Variants in EFCAB11 observed in about 807,000 individuals in gnomAD.
EFCAB11 encodes the protein EF-hand calcium-binding domain-containing protein 11.
In EFCAB11, 14 loss-of-function variants were observed where a neutral mutation model predicts 23.0. The ratio of observed to expected loss-of-function variants is 0.61; its 90% CI spans 0.40 to 0.95. The LOEUF is 0.95. Ranked by LOEUF, EFCAB11 falls within the 40% of genes least tolerant of loss-of-function variation. The probability of loss-of-function intolerance (pLI) is 0.00; values close to 1 mark genes in which losing one functional copy is unlikely to be tolerated. For synonymous variants in EFCAB11, 65 were observed against 66.6 expected, an observed-to-expected ratio of 0.98 and a Z score of 0.11; for missense variants, 198 against 195.8, an observed-to-expected ratio of 1.01 and a Z score of -0.07.
At position 89,954,637 on chromosome 14, in the gene EFCAB11, G is replaced by A. The variant is rs28400373; in HGVS notation, c.24C>T (p.Ala8=). 11,403 of 1,613,182 alleles carry A rather than the reference G, an allele frequency of 7.1e-3. 637 individuals carry two copies. In the African/African-American group the frequency reaches 0.13, roughly 18 times the overall value. The change falls in exon 1 of 6, where the codon GCC becomes GCT. Residue 8 remains alanine, a synonymous_variant. Coordinates refer to ENST00000316738, the MANE Select transcript of EFCAB11 (RefSeq NM_145231.4). MFFSEAR[A]RSRTWEASPS... is the part of the protein sequence containing the mutation. ...GACTGGCTTCCCACGTCCGCGACCT[G>A]GCTCTGGCCTCGGAGAAGAACATCG...
intron 2 of EFCAB11, among the ~76,000 whole-genome samples, chr14:89,950,509 ATT>A (rs926412888): frequency 6.6e-6 from 1 of 152,136 alleles, no homozygotes; most frequent in African/African-American, 2.4e-5. Context: ...TATTTTTAAG[ATT>A]TTTTTCCTAA....
chr14:89,947,303 AG>A (rs1891018104), intron 3 of EFCAB11, among the ~76,000 whole-genome samples: 1 of 152,114 alleles, frequency 6.6e-6, no homozygotes, highest in African/African-American at 2.4e-5. Flanking sequence ...CTTACACAAT[AG>A]GTCTCCTTCC....
chr14:89,913,713 T>G (rs1337616585), intron 5 of EFCAB11, among the ~76,000 whole-genome samples: 1 of 152,240 alleles, frequency 6.6e-6, no homozygotes, highest in African/African-American at 2.4e-5. Flanking sequence ...TTCTTCTGAT[T>G]TGCTCATTCT....
At chr14:89,953,707 G>A (rs941967561) in intron 2 of EFCAB11, among the ~76,000 whole-genome samples, 199 bp downstream of exon 2, 52 of 152,200 alleles carry the variant, frequency 3.4e-4, no homozygotes, top group African/African-American at 1.2e-3. Flanking sequence ...ATAGGCTTGT[G>A]TAGACTCCAG....
At position 89,796,143 on chromosome 14, in the gene EFCAB11, C is replaced by A. The variant is rs990961814; in HGVS notation, c.*1100G>T. The A allele has an allele frequency of 2.6e-5, 4 of 152,354 alleles. No individual in the cohort carries two copies. The highest frequency in any genetic ancestry group is 5.9e-5 in the Non-Finnish European group (4 of 68,142). 9.4% of individuals were successfully genotyped at this position (152,354 alleles called of 1,614,324 possible). On this transcript the variant is annotated 3_prime_UTR_variant, in exon 6 of 6. Coordinates refer to ENST00000316738, the MANE Select transcript of EFCAB11 (RefSeq NM_145231.4). Reference sequence around the variant, plus strand: ...CAAACATGTCTCTTGCCCCCAGTACCCTCATCACCCTGTTCTTCCTCTGTA... The same window carrying A: ...CAAACATGTCTCTTGCCCCCAGTACACTCATCACCCTGTTCTTCCTCTGTA...
chr14:89,868,519 T>C (rs1285470969), intron 5 of EFCAB11, among the ~76,000 whole-genome samples: 2 of 152,142 alleles, frequency 1.3e-5, no homozygotes, highest in Admixed American at 1.3e-4. Flanking sequence ...AGAAAAACTA[T>C]AAAAAGCTCT....
At chr14:89,866,881 C>T (rs1888109346) in intron 5 of EFCAB11, among the ~76,000 whole-genome samples, 1 of 152,338 alleles carries the variant, frequency 6.6e-6, no homozygotes, top group East Asian at 1.9e-4. Context: ...TGGCCCACTC[C>T]AACCTCAGTC....
At chr14:89,811,183 G>A (rs949689486) in intron 5 of EFCAB11, among the ~76,000 whole-genome samples, 7 of 151,978 alleles carry the variant, frequency 4.6e-5, no homozygotes, top group African/African-American at 4.8e-5. Flanking sequence ...GTACATTCAA[G>A]GAACTGAAAG....
At chr14:89,866,071 C>A (rs1055185138) in intron 5 of EFCAB11, among the ~76,000 whole-genome samples, 2 of 152,138 alleles carry the variant, frequency 1.3e-5, no homozygotes, top group Non-Finnish European at 2.9e-5. Flanking sequence ...AGGCATGAGT[C>A]ACCGTGCCTG....
chr14:89,928,920 T>C (rs1890286696), intron 5 of EFCAB11, among the ~76,000 whole-genome samples: 2 of 147,578 alleles, frequency 1.4e-5, no homozygotes, highest in Admixed American at 6.8e-5. Context: ...CCAATCATAA[T>C]TATATATTAC....
intron 5 of EFCAB11, among the ~76,000 whole-genome samples, chr14:89,887,847 TAAC>T (rs1382601738): frequency 6.6e-6 from 1 of 152,244 alleles, no homozygotes. Context: ...CAGCACGTGT[TAAC>T]ACTCGCATTT....
intron 5 of EFCAB11, among the ~76,000 whole-genome samples, chr14:89,890,260 T>A (rs1163972426): frequency 6.6e-6 from 1 of 152,190 alleles, no homozygotes. Flanking sequence ...CCTAATACTA[T>A]GGTTTTAGGT....
At chr14:89,895,882 CT>C (rs1889136110) in intron 5 of EFCAB11, among the ~76,000 whole-genome samples, 1 of 152,118 alleles carries the variant, frequency 6.6e-6, no homozygotes, top group South Asian at 2.1e-4. Flanking sequence ...TATTTGTTAA[CT>C]AGACCGAATA....
chr14:89,840,429 ACATTTGCCTTAT>A (rs2140126571), intron 5 of EFCAB11, among the ~76,000 whole-genome samples: 1 of 152,358 alleles, frequency 6.6e-6, no homozygotes, highest in Non-Finnish European at 1.5e-5. Flanking sequence ...AATCTCCATT[ACATTTGCCTTAT>A]CATTTCCTCT....
At chr14:89,885,263 T>C (rs369526790) in intron 5 of EFCAB11, among the ~76,000 whole-genome samples, 6 of 152,088 alleles carry the variant, frequency 3.9e-5, no homozygotes, top group East Asian at 1.9e-4. Context: ...GCAAGGAAAG[T>C]TAAATAAGAC....
At chr14:89,889,426 G>A (rs981788057) in intron 5 of EFCAB11, among the ~76,000 whole-genome samples, 1 of 152,180 alleles carries the variant, frequency 6.6e-6, no homozygotes, top group Admixed American at 6.5e-5. Context: ...TTGTGAGGAT[G>A]AAACGAGTAA....
At chr14:89,815,431 C>CTT (rs753073969) in intron 5 of EFCAB11, among the ~76,000 whole-genome samples, 2 of 146,450 alleles carry the variant, frequency 1.4e-5, no homozygotes, top group African/African-American at 5.0e-5. Flanking sequence ...TTATGAAATC[C>CTT]TTTTTTTTTT....
At chr14:89,875,854 G>C (rs555188896) in intron 5 of EFCAB11, among the ~76,000 whole-genome samples, 1 of 152,280 alleles carries the variant, frequency 6.6e-6, no homozygotes, top group African/African-American at 2.4e-5. Flanking sequence ...TGGTAAGGAA[G>C]AGAAAATTGG....
intron 5 of EFCAB11, among the ~76,000 whole-genome samples, chr14:89,851,651 T>A (rs1887604190): frequency 6.6e-6 from 1 of 152,196 alleles, no homozygotes; most frequent in African/African-American, 2.4e-5. Context: ...AAAAGCAAAT[T>A]TGGATCTAAC....
Sources: allele counts gnomAD v4.1 joint callset (sites outside exome capture counted in the v4.1 genomes callset), GRCh38; gene constraint gnomAD v4.1.1; transcripts MANE v1.5; gene names NCBI Gene and HGNC (gene_info 2026-07-23, HGNC 2026-07-21).